Variants in THRAP3 observed in about 807,000 individuals in gnomAD.
THRAP3 encodes the protein thyroid hormone receptor-associated protein 3.
A neutral mutation model predicts 101.0 loss-of-function variants in THRAP3; 16 were observed. That is an observed-to-expected ratio of 0.16 (90% CI 0.11 to 0.24). The LOEUF (loss-of-function observed/expected upper bound fraction) is 0.24. THRAP3 is among the 10% of genes least tolerant of loss of function. THRAP3 has a pLI of 1.00. For synonymous variants in THRAP3, 407 were observed against 422.6 expected (o/e 0.96, Z 0.45); for missense variants, 989 against 1,202.7 (o/e 0.82, Z 2.63).
At chr1:36,253,760 ATTTTTTTTTTTTT>A (rs58306701) in intron 1 of THRAP3, among the ~76,000 whole-genome samples, 2 of 100,236 alleles carry the variant, frequency 2.0e-5, no homozygotes, top group African/African-American at 8.5e-5. Context: ...AGTCAGGCTA[ATTTTTTTTTTTTT>A]TTTTTTAGTT....
chr1:36,303,112 A>ATTTTTTT (rs397936228), intron 11 of THRAP3, among the ~76,000 whole-genome samples: 126 of 125,112 alleles, frequency 1.0e-3, no homozygotes, highest in African/African-American at 2.5e-3. Context: ...TGCCTGGCTA[A>ATTTTTTT]TTTTTTTTTT....
At chr1:36,250,983 G>C (rs1272002699) in intron 1 of THRAP3, among the ~76,000 whole-genome samples, 1 of 151,934 alleles carries the variant, frequency 6.6e-6, no homozygotes, top group African/African-American at 2.4e-5. Context: ...CTAAGCTCAA[G>C]TGATCCGCCC....
chr1:36,212,508 C>A, the THRAP3 span, among the ~76,000 whole-genome samples: 1 of 150,894 alleles, frequency 6.6e-6, no homozygotes, highest in African/African-American at 2.4e-5. Context: ...GCAACCTCCA[C>A]CTCCTGCGTT....
intron 2 of THRAP3, among the ~76,000 whole-genome samples, chr1:36,275,349 A>C (rs1557438797): frequency 1.4e-5 from 2 of 143,768 alleles, no homozygotes. Context: ...GCACTTTGGG[A>C]GGCCGAGGCA....
chr1:36,274,733 A>G (rs1360210798), intron 2 of THRAP3, among the ~76,000 whole-genome samples: 3 of 142,568 alleles, frequency 2.1e-5, no homozygotes, highest in Admixed American at 7.7e-5. Context: ...CCCGGGTTCA[A>G]GTGGTTCTCC....
chr1:36,267,039 C>G (rs770433835), intron 2 of THRAP3, among the ~76,000 whole-genome samples: 7 of 152,040 alleles, frequency 4.6e-5, no homozygotes, highest in Non-Finnish European at 1.0e-4. Context: ...TGCCAACACG[C>G]CCGGCTAAAT....
intron 2 of THRAP3, among the ~76,000 whole-genome samples, chr1:36,278,531 G>A (rs1403925389): frequency 6.6e-6 from 1 of 152,192 alleles, no homozygotes; most frequent in Admixed American, 6.5e-5. Context: ...TGATGGGCTT[G>A]TGCTACCCTC....
In THRAP3 at chr1:36,247,332, C is replaced by CT. The variant is rs964816686; in HGVS notation, c.-134-12040dup. ...ACTCCGTCTCAAAAAGACAAATTAA[C>CT]TTTTTTTTTTGAGTTGGAGTCTAGC... On this transcript the variant is annotated intron_variant, in intron 1 of 11. Transcript: ENST00000354618. Among the ~76,000 whole-genome samples the CT allele has an allele frequency of 1.8e-3, 274 of 148,722 alleles. 2 individuals carry two copies. The highest frequency in any genetic ancestry group is 3.9e-4 in the Non-Finnish European group (26 of 66,888).
At chr1:36,261,401 T>C (rs887939149) in intron 2 of THRAP3, among the ~76,000 whole-genome samples, 1 of 152,018 alleles carries the variant, frequency 6.6e-6, no homozygotes, top group African/African-American at 2.4e-5. Context: ...GGCACGGTGG[T>C]GGGCGCCTGT....
intron 1 of THRAP3, among the ~76,000 whole-genome samples, chr1:36,237,722 G>T (rs1645107856): frequency 6.6e-6 from 1 of 151,950 alleles, no homozygotes; most frequent in South Asian, 2.1e-4. Context: ...AGTGACCCAA[G>T]ATCATGCCAC....
intron 1 of THRAP3, among the ~76,000 whole-genome samples, chr1:36,244,538 T>G (rs930944141): frequency 6.6e-6 from 1 of 152,222 alleles, no homozygotes; most frequent in African/African-American, 2.4e-5. Flanking sequence ...CGTAGTCACT[T>G]AGTTTTGAAA....
At chr1:36,282,824 GGGT>G in intron 3 of THRAP3, 124 bp downstream of exon 3, 2 of 1,018,848 alleles carry the variant, frequency 2.0e-6, no homozygotes, top group South Asian at 2.9e-5. Flanking sequence ...TTGAGGTGCA[GGGT>G]TGGGCTATAA....
Position 36,291,432 on chromosome 1 carries a change from A to C in THRAP3, c.1804A>C (p.Lys602Gln). 1 of 1,614,248 alleles carries C rather than the reference A, an allele frequency of 6.2e-7. No homozygotes were observed. Among genetic ancestry groups the C allele is most frequent in the Non-Finnish European group, 8.5e-7 (1 of 1,180,054 alleles). Residue 602 changes from lysine (K) to glutamine (Q), a missense_variant, in exon 6 of 12, where the codon AAA becomes CAA. Physicochemically the swap from Lys to Gln is moderately conservative, Grantham distance 53. Coordinates refer to ENST00000354618, the MANE Select transcript of THRAP3 (RefSeq NM_005119.4). Reference protein sequence around the residue: ...KLCRDLVHSNKKEQEFRSIFQ... With the variant: ...KLCRDLVHSNQKEQEFRSIFQ... ...TTGCCGAGATCTAGTCCATAGCAAC[A>C]AAAAGGAACAGGAGTTTCGTTCCAT...
At chr1:36,234,802 TCA>T (rs1024267598) in intron 1 of THRAP3, among the ~76,000 whole-genome samples, 35 of 149,362 alleles carry the variant, frequency 2.3e-4, no homozygotes, top group African/African-American at 6.6e-4. Context: ...TATTTCTGTT[TCA>T]GTCTTTTTTT....
chr1:36,226,080 T>G (rs1644958776), intron 1 of THRAP3, among the ~76,000 whole-genome samples: 1 of 152,172 alleles, frequency 6.6e-6, no homozygotes, highest in African/African-American at 2.4e-5. Flanking sequence ...CTTAGTGTAT[T>G]TATTTAATAC....
chr1:36,234,989 T>C (rs1253257019), intron 1 of THRAP3, among the ~76,000 whole-genome samples: 1 of 152,120 alleles, frequency 6.6e-6, no homozygotes, highest in Non-Finnish European at 1.5e-5. Flanking sequence ...AATTTTTGTA[T>C]TTTTAGTAGA....
chr1:36,280,797 T>C (rs1645720960), intron 2 of THRAP3, among the ~76,000 whole-genome samples: 1 of 152,062 alleles, frequency 6.6e-6, no homozygotes. Flanking sequence ...AAGTATACCT[T>C]GTAGACCAGG....
intron 2 of THRAP3, among the ~76,000 whole-genome samples, chr1:36,280,937 T>A (rs901604832): frequency 1.7e-4 from 26 of 151,824 alleles, no homozygotes; most frequent in African/African-American, 5.8e-4. Context: ...ATTTATTTTT[T>A]TTTTTGAGAC....
intron 1 of THRAP3, among the ~76,000 whole-genome samples, chr1:36,237,694 C>T (rs541365897): frequency 9.2e-5 from 14 of 152,030 alleles, no homozygotes; most frequent in Admixed American, 2.0e-4. Flanking sequence ...TTGCTTGAAC[C>T]TGGGAGGTAG....
Sources: allele counts gnomAD v4.1 joint callset (sites outside exome capture counted in the v4.1 genomes callset), GRCh38; gene constraint gnomAD v4.1.1; transcripts MANE v1.5; gene names NCBI Gene and HGNC (gene_info 2026-07-23, HGNC 2026-07-21).